The following TRIM33 variants were observed in gnomAD, a reference collection of about 807,000 sequenced individuals.
TRIM33 encodes the protein E3 ubiquitin-protein ligase TRIM33.
TRIM33 carries 20 observed loss-of-function variants against 125.4 expected under a neutral mutation model. That is an observed-to-expected ratio of 0.16 (90% CI 0.11 to 0.23). The LOEUF is 0.23. Among genes scored for constraint, TRIM33 ranks in the 10% least tolerant of loss-of-function variants. The pLI is 1.00. For synonymous variants in TRIM33, 564 were observed against 513.9 expected, an observed-to-expected ratio of 1.10 and a Z score of -1.32; for missense variants, 920 against 1,411.4, an observed-to-expected ratio of 0.65 and a Z score of 5.58.
In TRIM33 at chr1:114,405,768, A is replaced by G; in HGVS notation, c.2419-9T>C. On this transcript the variant is annotated splice_polypyrimidine_tract_variant and intron_variant, in intron 14 of 19. Transcript: ENST00000358465. ...CTCTCAGGACTGCTCAACTAAAACA[A>G]AACGATGACAAATTCTTGAAGAATC... The G allele has an allele frequency of 6.3e-7, 1 of 1,583,762 alleles. No homozygotes were observed.
chr1:114,470,179 CTTGTT>C (rs1425877060), intron 1 of TRIM33, among the ~76,000 whole-genome samples: 1 of 152,138 alleles, frequency 6.6e-6, no homozygotes, highest in Admixed American at 6.5e-5. Context: ...ACAGGAATAT[CTTGTT>C]TTACTGCATT....
chr1:114,481,721 T>A (rs2101489086), intron 1 of TRIM33, among the ~76,000 whole-genome samples: 1 of 151,530 alleles, frequency 6.6e-6, no homozygotes, highest in African/African-American at 2.4e-5. Flanking sequence ...TTATATTGGT[T>A]TTTTCCTCCC....
intron 6 of TRIM33, among the ~76,000 whole-genome samples, chr1:114,428,490 T>G (rs557204209): frequency 1.1e-4 from 17 of 152,304 alleles, no homozygotes; most frequent in African/African-American, 4.1e-4. Flanking sequence ...ATAAACTGCT[T>G]TATGGGAACT....
intron 4 of TRIM33, among the ~76,000 whole-genome samples, chr1:114,444,398 G>T (rs192689339): frequency 2.0e-4 from 31 of 152,308 alleles, no homozygotes; most frequent in Admixed American, 9.8e-4. Context: ...ATTTCTAGAA[G>T]AACTCAGCTT....
intron 1 of TRIM33, among the ~76,000 whole-genome samples, chr1:114,489,408 A>T (rs1471954113): frequency 6.6e-6 from 1 of 152,194 alleles, no homozygotes; most frequent in Non-Finnish European, 1.5e-5. Flanking sequence ...ATATGGTGCG[A>T]AAAACAAAAG....
intron 1 of TRIM33, among the ~76,000 whole-genome samples, chr1:114,468,119 C>T (rs376043976): frequency 6.6e-6 from 1 of 152,190 alleles, no homozygotes. Flanking sequence ...GAAGTATAAC[C>T]ATGCCTAAGT....
intron 1 of TRIM33, chr1:114,468,519 G>A (rs1650439430): frequency 2.5e-6 from 1 of 398,428 alleles, no homozygotes; most frequent in South Asian, 2.1e-5. Flanking sequence ...TGCTTCTGAT[G>A]ATCTAGATGA....
At chr1:114,497,804 T>C (rs781730944) in intron 1 of TRIM33, among the ~76,000 whole-genome samples, 12 of 151,868 alleles carry the variant, frequency 7.9e-5, no homozygotes, top group East Asian at 5.8e-4. Flanking sequence ...CAGAACTGTA[T>C]TGCCTCATTC....
In TRIM33 at chr1:114,395,639, T is replaced by C. The variant is rs1651503006; in HGVS notation, c.*2009A>G. 4 of 196,230 alleles carry C rather than the reference T, an allele frequency of 2.0e-5. No individual in the cohort carries two copies. Among genetic ancestry groups the C allele is most frequent in the Non-Finnish European group, 4.2e-5 (4 of 94,490 alleles). The allele number at this position is 196,230 out of a possible 1,614,324, so 12.2% of individuals were successfully genotyped here. A position where few individuals can be genotyped will look rare whatever the true frequency, so the allele number is the denominator to read the frequency against. ...TTGTGAAAAAAGAGGGAAATTGGCATAGGCATAAGTATTTTTAAATAATTT... is the reference window on the plus strand; with the variant it reads ...TTGTGAAAAAAGAGGGAAATTGGCACAGGCATAAGTATTTTTAAATAATTT... On this transcript the variant is annotated 3_prime_UTR_variant, in exon 20 of 20. Coordinates refer to ENST00000358465, the MANE Select transcript of TRIM33 (RefSeq NM_015906.4).
At position 114,463,220 on chromosome 1, in the gene TRIM33, A is replaced by G. The variant is rs1650094651; in HGVS notation, c.807T>C (p.Ser269=). 2 of 1,606,070 alleles carry G rather than the reference A, an allele frequency of 1.2e-6. No homozygotes were observed. The highest frequency in any genetic ancestry group is 4.5e-5 in the East Asian group (2 of 44,826). The change falls in exon 4 of 20, where the codon TCT becomes TCC. Residue 269 remains serine (S), a synonymous_variant. Transcript: ENST00000358465. Reference sequence around the variant, plus strand: ...CAGGGCAGAAAACAGGGCGTTGACCAGATGCTCCAACAGACTCTGTAGCAA... The same window carrying G: ...CAGGGCAGAAAACAGGGCGTTGACCGGATGCTCCAACAGACTCTGTAGCAA... ...KEDVSESVGA[S]GQRPVFCPVH...
chr1:114,504,113 A>G (rs1363548316), intron 1 of TRIM33, among the ~76,000 whole-genome samples: 3 of 152,122 alleles, frequency 2.0e-5, no homozygotes, highest in Non-Finnish European at 4.4e-5. Flanking sequence ...GTAAATATGC[A>G]ATGACTTTTA....
chr1:114,414,582 A>G (rs2101122392), intron 11 of TRIM33, among the ~76,000 whole-genome samples: 1 of 152,280 alleles, frequency 6.6e-6, no homozygotes, highest in East Asian at 1.9e-4. Flanking sequence ...ACAATCCACT[A>G]AGTTTTATTG....
Position 114,395,941 on chromosome 1 carries a change from T to C in TRIM33, c.*1707A>G, listed in dbSNP as rs948088231. 5.2e-6 allele frequency: 1 copy of C among 194,090 alleles called. No individual in the cohort carries two copies. 12.0% of individuals were successfully genotyped at this position (194,090 alleles called of 1,614,324 possible). A position where few individuals can be genotyped will look rare whatever the true frequency, so the allele number is the denominator to read the frequency against. On this transcript the variant is annotated 3_prime_UTR_variant, in exon 20 of 20. Coordinates refer to ENST00000358465, the MANE Select transcript of TRIM33 (RefSeq NM_015906.4). Reference sequence around the variant, plus strand: ...GTATAATAATTTCTTTAGAGCACTTTATTTGATTCAATATGCATTAAAAAA... The same window carrying C: ...GTATAATAATTTCTTTAGAGCACTTCATTTGATTCAATATGCATTAAAAAA...
At chr1:114,420,472 G>A (rs748907233) in intron 11 of TRIM33, 156 of 1,279,252 alleles carry the variant, frequency 1.2e-4, no homozygotes, top group Middle Eastern at 2.1e-4. Flanking sequence ...TGTAGAAAGG[G>A]AGTAACTAGC....
intron 1 of TRIM33, among the ~76,000 whole-genome samples, chr1:114,487,877 C>G (rs1651804599): frequency 8.0e-6 from 1 of 124,808 alleles, no homozygotes; most frequent in South Asian, 2.6e-4. Context: ...GCAGTCCGGC[C>G]TGGGCGACAG....
chr1:114,473,997 T>G (rs1650818290), intron 1 of TRIM33, among the ~76,000 whole-genome samples: 2 of 152,194 alleles, frequency 1.3e-5, no homozygotes, highest in South Asian at 4.1e-4. Flanking sequence ...CTCCTGGGCT[T>G]AAGCAGTCCT....
At chr1:114,500,326 T>C (rs1006904512) in intron 1 of TRIM33, among the ~76,000 whole-genome samples, 4 of 152,156 alleles carry the variant, frequency 2.6e-5, no homozygotes, top group African/African-American at 9.7e-5. Flanking sequence ...GTCGTTGTTT[T>C]TCTGTTCTTT....
At chr1:114,433,976 T>A (rs1572050277) in intron 4 of TRIM33, among the ~76,000 whole-genome samples, 1 of 152,196 alleles carries the variant, frequency 6.6e-6, no homozygotes, top group African/African-American at 2.4e-5. Context: ...TGCTCTTATA[T>A]TAGAGTGTTG....
chr1:114,438,854 T>C (rs1351606354), intron 4 of TRIM33, among the ~76,000 whole-genome samples: 2 of 152,212 alleles, frequency 1.3e-5, no homozygotes, highest in African/African-American at 4.8e-5. Context: ...ACTGTTAGAA[T>C]TTATCTTGTT....
Sources: gnomAD v4.1 joint callset for allele counts (sites outside exome capture counted in the v4.1 genomes callset) on GRCh38, gnomAD v4.1.1 for gene constraint, MANE v1.5 for transcripts, NCBI Gene and HGNC (gene_info 2026-07-23, HGNC 2026-07-21) for gene names.